The following DSCAM variants were observed in gnomAD, a reference collection of about 807,000 sequenced individuals.
The protein encoded by DSCAM is cell adhesion molecule DSCAM.
DSCAM carries 47 observed loss-of-function variants against 217.7 expected under a neutral mutation model. That is an observed-to-expected ratio of 0.22 (90% CI 0.17 to 0.28). DSCAM has a LOEUF of 0.28. Among genes scored for constraint, DSCAM ranks in the 10% least tolerant of loss-of-function variants. The probability of loss-of-function intolerance (pLI) is 1.00; values close to 1 mark genes in which losing one functional copy is unlikely to be tolerated. For synonymous variants in DSCAM, 1,056 were observed against 1,015.3 expected (o/e 1.04, Z -0.76); for missense variants, 2,080 against 2,618.3 (o/e 0.79, Z 4.49).
At chr21:40,480,461 T>C (rs1378261470) in intron 3 of DSCAM, among the ~76,000 whole-genome samples, 2 of 152,244 alleles carry the variant, frequency 1.3e-5, no homozygotes, top group African/African-American at 4.8e-5. Flanking sequence ...CATTAAGTTC[T>C]ATGCATAACA....
At chr21:40,037,381 CAGAG>C (rs887255139) in intron 32 of DSCAM, among the ~76,000 whole-genome samples, 3 of 148,044 alleles carry the variant, frequency 2.0e-5, no homozygotes, top group South Asian at 2.1e-4. Context: ...AACAGACAAA[CAGAG>C]AGCCAAATCA....
At chr21:40,468,462 A>T (rs2075862397) in intron 3 of DSCAM, among the ~76,000 whole-genome samples, 1 of 152,236 alleles carries the variant, frequency 6.6e-6, no homozygotes, top group Non-Finnish European at 1.5e-5. Context: ...GGTTACTATG[A>T]AATGTCCATG....
intron 3 of DSCAM, among the ~76,000 whole-genome samples, chr21:40,556,664 A>AGGG (rs144713610): frequency 1.3e-5 from 2 of 151,398 alleles, no homozygotes; most frequent in African/African-American, 4.8e-5. Flanking sequence ...AGAGAGAGAG[A>AGGG]GGGGAGGTAC....
At chr21:40,434,697 T>A (rs546749389) in intron 3 of DSCAM, among the ~76,000 whole-genome samples, 2 of 152,310 alleles carry the variant, frequency 1.3e-5, no homozygotes, top group South Asian at 4.1e-4. Flanking sequence ...GCCCTGTGTA[T>A]AATGAAGGAA....
intron 1 of DSCAM, among the ~76,000 whole-genome samples, chr21:40,719,041 C>A (rs2090873337): frequency 6.6e-6 from 1 of 151,982 alleles, no homozygotes; most frequent in African/African-American, 2.4e-5. Context: ...ACTTGAGCCC[C>A]AGAATTGGAA....
intron 3 of DSCAM, among the ~76,000 whole-genome samples, chr21:40,378,282 C>T (rs2074982910): frequency 6.6e-6 from 1 of 152,114 alleles, no homozygotes; most frequent in South Asian, 2.1e-4. Flanking sequence ...AGATTCTTTT[C>T]ATACAGGAGA....
chr21:40,737,636 A>C (rs2091078391), intron 1 of DSCAM, among the ~76,000 whole-genome samples: 2 of 152,178 alleles, frequency 1.3e-5, no homozygotes. Context: ...GCAAAACTCC[A>C]TCTCAAAAAC....
chr21:40,050,847 G>A (rs2088919452), intron 30 of DSCAM, among the ~76,000 whole-genome samples: 1 of 152,152 alleles, frequency 6.6e-6, no homozygotes, highest in Admixed American at 6.5e-5. Context: ...TCCCGTTTAT[G>A]TCTTCAGAAT....
intron 10 of DSCAM, among the ~76,000 whole-genome samples, chr21:40,281,520 C>T (rs1238226001): frequency 3.3e-5 from 5 of 152,160 alleles, no homozygotes; most frequent in South Asian, 2.1e-4. Flanking sequence ...AGAAGAATTT[C>T]GGACCAAAGG....
chr21:40,402,629 TA>T (rs138346205), intron 3 of DSCAM, among the ~76,000 whole-genome samples: 31 of 150,998 alleles, frequency 2.1e-4, no homozygotes, highest in African/African-American at 6.5e-4. Flanking sequence ...TAAACAGGAT[TA>T]AAAAAAATGG....
chr21:40,688,067 T>G (rs754385876), intron 3 of DSCAM, among the ~76,000 whole-genome samples: 1 of 152,222 alleles, frequency 6.6e-6, no homozygotes, highest in Non-Finnish European at 1.5e-5. Flanking sequence ...TCAATGATCC[T>G]AAGAGGTAAA....
rs561385561 is a variant in DSCAM, at chr21:40,225,217, G to T, written c.2357-35979C>A. ...GATGAGTGTACACATATGCGTACTT[G>T]TATTTCCCTTCTCTTTACTGCCTGC... On this transcript the variant is annotated intron_variant, in intron 11 of 32. Transcript: ENST00000400454. Among the ~76,000 whole-genome samples the T allele has an allele frequency of 7.9e-5, 12 of 152,278 alleles. No individual in the cohort carries two copies. In the East Asian group the frequency reaches 2.3e-3, roughly 29 times the overall value.
rs1221773184 is a variant in DSCAM at position 40,074,517 on chromosome 21, C to A, written c.4888+520G>T. On this transcript the variant is annotated intron_variant, in intron 27 of 32. Coordinates refer to ENST00000400454, the MANE Select transcript of DSCAM (RefSeq NM_001389.5). ...ATGGAGCTCATCTGGCCTGGCTTCT[C>A]CAGCCTTCATTATGTTTTTGCTACA... 2.0e-5 allele frequency among the ~76,000 whole-genome samples: 3 copies of A among 152,196 alleles called. No homozygotes were observed. The East Asian group carries it at 5.8e-4, about 29-fold the overall frequency.
chr21:40,659,333 C>T (rs573451659), intron 3 of DSCAM, among the ~76,000 whole-genome samples: 4 of 151,632 alleles, frequency 2.6e-5, no homozygotes, highest in African/African-American at 9.7e-5. Flanking sequence ...TCTGTTCACA[C>T]CTGTTTGGTG....
In DSCAM at chr21:40,744,248, CTGGGGACAAAAAG is replaced by C. The variant is rs563976235; in HGVS notation, c.44-35490_44-35478del. The stretch of plus-strand genomic sequence containing the variant: ...GGAGGGCTGAACTACCTGGGGTGAA[CTGGGGACAAAAAG>C]TGGGGGTGCTGATCACTTGGTGCTG... On this transcript the variant is annotated intron_variant, in intron 1 of 32. Coordinates refer to ENST00000400454, the MANE Select transcript of DSCAM (RefSeq NM_001389.5). Among the ~76,000 whole-genome samples, 811 of 152,182 alleles carry C rather than the reference CTGGGGACAAAAAG, an allele frequency of 5.3e-3. 9 individuals carry two copies. The highest frequency in any genetic ancestry group is 8.6e-3 in the Non-Finnish European group (585 of 67,988).
intron 3 of DSCAM, among the ~76,000 whole-genome samples, chr21:40,554,422 G>A (rs1029887054): frequency 6.6e-6 from 1 of 152,032 alleles, no homozygotes; most frequent in African/African-American, 2.4e-5. Context: ...AGTACCATGG[G>A]GAAAGTTCTT....
At chr21:40,488,437 T>C (rs755538970) in intron 3 of DSCAM, among the ~76,000 whole-genome samples, 28 of 152,196 alleles carry the variant, frequency 1.8e-4, no homozygotes, top group Non-Finnish European at 3.4e-4. Context: ...CTGCATCAGA[T>C]TGCCTGATAG....
intron 3 of DSCAM, among the ~76,000 whole-genome samples, chr21:40,570,817 T>C (rs911773122): frequency 6.6e-6 from 1 of 151,874 alleles, no homozygotes; most frequent in Non-Finnish European, 1.5e-5. Flanking sequence ...CAATAGACAA[T>C]ATCTAAAATA....
At chr21:40,147,115 T>G (rs1179164931) in intron 16 of DSCAM, among the ~76,000 whole-genome samples, 1 of 152,240 alleles carries the variant, frequency 6.6e-6, no homozygotes, top group African/African-American at 2.4e-5. Context: ...ATTGTTCAAC[T>G]GGCTCCCGGT....
Sources: allele counts gnomAD v4.1 joint callset (sites outside exome capture counted in the v4.1 genomes callset), GRCh38; gene constraint gnomAD v4.1.1; transcripts MANE v1.5; gene names NCBI Gene and HGNC (gene_info 2026-07-23, HGNC 2026-07-21).